DSCAML1: variants seen among roughly 807,000 people sequenced by gnomAD.
The protein encoded by DSCAML1 is DS cell adhesion molecule like 1.
In DSCAML1, 38 loss-of-function variants were observed where a neutral mutation model predicts 200.5. The observed-to-expected ratio is 0.19, with a 90% confidence interval of 0.15 to 0.25. The LOEUF (loss-of-function observed/expected upper bound fraction) is 0.25. Among genes scored for constraint, DSCAML1 ranks in the 10% least tolerant of loss-of-function variants. DSCAML1 has a pLI of 1.00. For synonymous variants in DSCAML1, 1,215 were observed against 1,165.0 expected, an observed-to-expected ratio of 1.04 and a Z score of -0.87; for missense variants, 2,223 against 2,858.8, an observed-to-expected ratio of 0.78 and a Z score of 5.07.
At chr11:117,564,344 T>C (rs1257606160) in intron 3 of DSCAML1, among the ~76,000 whole-genome samples, 2 of 152,224 alleles carry the variant, frequency 1.3e-5, no homozygotes, top group East Asian at 3.8e-4. Flanking sequence ...TTTGAACACG[T>C]TGAGAAGCAC....
In DSCAML1 at chr11:117,784,539, A is replaced by G. The variant is rs566292133; in HGVS notation, c.47-3729T>C. Among the ~76,000 whole-genome samples the G allele has an allele frequency of 4.6e-5, 7 of 152,296 alleles. No individual in the cohort carries two copies. In the South Asian group the frequency reaches 1.4e-3, roughly 32 times the overall value. ...GAACTCCAGGGACAGAAGGGGGAGT[A>G]GTAGGAGCCTGGTGTCCTAACTCTG... On this transcript the variant is annotated intron_variant, in intron 1 of 32. Coordinates refer to ENST00000651296, the MANE Select transcript of DSCAML1 (RefSeq NM_020693.4).
chr11:117,532,102 T>C (rs925453605), intron 4 of DSCAML1, among the ~76,000 whole-genome samples: 1 of 150,848 alleles, frequency 6.6e-6, no homozygotes, highest in Non-Finnish European at 1.5e-5. Context: ...AGTATCAGAT[T>C]TTATCTATCA....
At chr11:117,739,411 G>A (rs545133618) in intron 3 of DSCAML1, among the ~76,000 whole-genome samples, 4 of 152,196 alleles carry the variant, frequency 2.6e-5, no homozygotes, top group Non-Finnish European at 4.4e-5. Context: ...CCCCCCAGCC[G>A]ATACTGTTGT....
At chr11:117,526,210 C>T (rs923216120) in intron 4 of DSCAML1, among the ~76,000 whole-genome samples, 1 of 152,138 alleles carries the variant, frequency 6.6e-6, no homozygotes, top group Non-Finnish European at 1.5e-5. Context: ...CCCAGGATGC[C>T]CCTCACCTAC....
rs191193690 is a variant in DSCAML1 at position 117,434,685 on chromosome 11, C to T, written c.4876+959G>A. ...GCCATCTATTCAGCCATCCAGCCAT[C>T]CTTCTATCTATACATCCTTCCATTC... On this transcript the variant is annotated intron_variant, in intron 27 of 32. Transcript: ENST00000651296. Among the ~76,000 whole-genome samples, 28 of 152,310 alleles carry T rather than the reference C, an allele frequency of 1.8e-4. 1 individual carries two copies. In the East Asian group the frequency reaches 3.5e-3, roughly 19 times the overall value.
intron 3 of DSCAML1, among the ~76,000 whole-genome samples, chr11:117,708,123 C>T (rs2053785695): frequency 6.6e-6 from 1 of 152,204 alleles, no homozygotes; most frequent in African/African-American, 2.4e-5. Flanking sequence ...GTACCCCCCA[C>T]ACACCATAGG....
rs71037491 is a variant in DSCAML1, at chr11:117,672,102, GAAAAAAA to G, written c.511+104682_511+104688del. On this transcript the variant is annotated intron_variant, in intron 3 of 32. Transcript: ENST00000651296. ...GGCGACAGAGCGAGACTCCAGCTCA[GAAAAAAA>G]AAAAAAAAAAAAAAGAAGAAACCTT... 4.0e-4 allele frequency among the ~76,000 whole-genome samples: 38 copies of G among 94,480 alleles called. 1 individual carries two copies. The highest frequency in any genetic ancestry group is 1.8e-3 in the African/African-American group (38 of 20,568). 62.0% of individuals were successfully genotyped at this position (94,480 alleles called of 152,430 possible).
chr11:117,434,808 CCATCCTTCCATCCATT>C lies in DSCAML1; in HGVS notation c.4876+820_4876+835del, dbSNP rs1037245904. Among the ~76,000 whole-genome samples, 3 of 152,206 alleles carry C rather than the reference CCATCCTTCCATCCATT, an allele frequency of 2.0e-5. No individual in the cohort carries two copies. The East Asian group carries it at 5.8e-4, about 29-fold the overall frequency. ...TCCACCCAATCATCCATCCATCCAT[CCATCCTTCCATCCATT>C]CATCCATCCAATCATCAACCATCCA... On this transcript the variant is annotated intron_variant, in intron 27 of 32. Coordinates refer to ENST00000651296, the MANE Select transcript of DSCAML1 (RefSeq NM_020693.4).
intron 3 of DSCAML1, among the ~76,000 whole-genome samples, chr11:117,724,784 C>A (rs2054095320): frequency 6.6e-6 from 1 of 152,214 alleles, no homozygotes; most frequent in Non-Finnish European, 1.5e-5. Context: ...CATTGCCCTT[C>A]TCCACACCCC....
chr11:117,487,971 G>A lies in DSCAML1; in HGVS notation c.2360-5809C>T, dbSNP rs982333633. 3.3e-5 allele frequency among the ~76,000 whole-genome samples: 5 copies of A among 152,172 alleles called. No individual in the cohort carries two copies. In the South Asian group the frequency reaches 1.0e-3, roughly 31 times the overall value. On this transcript the variant is annotated intron_variant, in intron 11 of 32. Transcript: ENST00000651296. ...TGGGCCCCTTGTCTTTGGGCCCTTG[G>A]GGGTGCCCGGGTCTCAGGAGAGGGA...
chr11:117,767,713 C>G (rs1242113304), intron 3 of DSCAML1, among the ~76,000 whole-genome samples: 2 of 152,170 alleles, frequency 1.3e-5, no homozygotes, highest in African/African-American at 4.8e-5. Flanking sequence ...TGCCTGGAGT[C>G]ACTGTTACAA....
intron 21 of DSCAML1, among the ~76,000 whole-genome samples, chr11:117,442,833 C>T (rs529825152): frequency 1.3e-5 from 2 of 152,184 alleles, no homozygotes; most frequent in South Asian, 2.1e-4. Flanking sequence ...CCTGACTTGG[C>T]GCTGGGAGAG....
intron 3 of DSCAML1, among the ~76,000 whole-genome samples, chr11:117,650,083 G>C (rs914916558): frequency 6.6e-6 from 1 of 151,636 alleles, no homozygotes; most frequent in African/African-American, 2.4e-5. Context: ...CCAGGCAAGG[G>C]ACTAGAGCTG....
intron 3 of DSCAML1, among the ~76,000 whole-genome samples, chr11:117,535,692 G>C (rs968892886): frequency 1.3e-5 from 2 of 152,280 alleles, no homozygotes; most frequent in African/African-American, 2.4e-5. Flanking sequence ...CTGGAATGCA[G>C]AACTACTGGA....
At chr11:117,812,816 A>C (rs182909651) in intron 1 of DSCAML1, among the ~76,000 whole-genome samples, 3 of 148,580 alleles carry the variant, frequency 2.0e-5, no homozygotes, top group Non-Finnish European at 4.5e-5. Context: ...TGGTTAGTGC[A>C]GTCAAAATTC....
At chr11:117,794,545 T>C (rs950380172) in intron 1 of DSCAML1, among the ~76,000 whole-genome samples, 1 of 152,104 alleles carries the variant, frequency 6.6e-6, no homozygotes, top group Non-Finnish European at 1.5e-5. Flanking sequence ...TCATCCTGTT[T>C]TCTTCTCTCT....
chr11:117,459,388 A>T (rs753001629), intron 18 of DSCAML1, among the ~76,000 whole-genome samples: 2 of 152,132 alleles, frequency 1.3e-5, no homozygotes, highest in African/African-American at 2.4e-5. Context: ...CAACCTGGGG[A>T]TGGTGTGTGA....
chr11:117,441,955 A>T lies in DSCAML1; in HGVS notation c.3862+1931T>A, dbSNP rs1163648895. On this transcript the variant is annotated intron_variant, in intron 21 of 32. Transcript: ENST00000651296. Reference sequence around the variant, plus strand: ...GCCACAGGCTGGGGTTGGCTCCCTGAATCTGTGTCTCAGGGTGTGTGTGCA... The same window carrying T: ...GCCACAGGCTGGGGTTGGCTCCCTGTATCTGTGTCTCAGGGTGTGTGTGCA... Among the ~76,000 whole-genome samples, 3 of 152,048 alleles carry T rather than the reference A, an allele frequency of 2.0e-5. No homozygotes were observed. The South Asian group carries it at 6.2e-4, about 32-fold the overall frequency.
intron 3 of DSCAML1, among the ~76,000 whole-genome samples, chr11:117,659,749 C>T (rs372311351): frequency 3.2e-4 from 49 of 151,846 alleles, no homozygotes; most frequent in Non-Finnish European, 5.1e-4. Flanking sequence ...GATGGAGTCT[C>T]GCTCTGTCGC....
Sources: allele counts gnomAD v4.1 joint callset (sites outside exome capture counted in the v4.1 genomes callset), GRCh38; gene constraint gnomAD v4.1.1; transcripts MANE v1.5; gene names NCBI Gene and HGNC (gene_info 2026-07-23, HGNC 2026-07-21).